The following DNAH8 variants were observed in gnomAD, a reference collection of about 807,000 sequenced individuals.
DNAH8 encodes the protein axonemal beta dynein heavy chain 8.
A neutral mutation model predicts 562.1 loss-of-function variants in DNAH8; 382 were observed. The observed-to-expected ratio is 0.68, with a 90% CI of 0.63 to 0.74. The LOEUF (loss-of-function observed/expected upper bound fraction) is 0.74. Ranked by LOEUF, DNAH8 falls within the 30% of genes least tolerant of loss-of-function variation. The pLI is 0.00. For missense variants in DNAH8, 5,203 were observed against 5,620.4 expected (o/e 0.93, Z 2.37); for synonymous variants, 1,881 against 1,919.4 (o/e 0.98, Z 0.52).
chr6:38,749,141 G>T (rs1765207992), intron 8 of DNAH8, among the ~76,000 whole-genome samples: 1 of 152,086 alleles, frequency 6.6e-6, no homozygotes, highest in Non-Finnish European at 1.5e-5. Flanking sequence ...ATCAATGATA[G>T]ACTGGATAAA....
chr6:38,729,207 C>T (rs1374530047), intron 3 of DNAH8, among the ~76,000 whole-genome samples: 1 of 66,622 alleles, frequency 1.5e-5, no homozygotes, highest in Non-Finnish European at 3.4e-5. Context: ...CGTCTCAAAA[C>T]AAACAAACAA....
At chr6:38,832,513 G>A in intron 31 of DNAH8, 78 bp downstream of exon 31, 1 of 886,032 alleles carries the variant, frequency 1.1e-6, no homozygotes, top group Non-Finnish European at 1.8e-6. Context: ...TGAACCCTGA[G>A]GAATAGGTAC....
chr6:38,778,462 A>G lies in DNAH8; in HGVS notation c.2037A>G (p.Gln679=), dbSNP rs761979645. Reference sequence around the variant, plus strand: ...CTCAGCAGGCTCTTCAGCTACTTCAAAGGTATTCATAACACTTTAAGCAGA... The same window carrying G: ...CTCAGCAGGCTCTTCAGCTACTTCAGAGGTATTCATAACACTTTAAGCAGA... ...LSSQQALQLL[Q]RFQKLNIPCL... Residue 679 remains glutamine, a splice_region_variant and synonymous_variant, in exon 14 of 93, where the codon CAA becomes CAG. Transcript: ENST00000327475. 109 of 1,579,016 alleles carry G rather than the reference A, an allele frequency of 6.9e-5. 1 individual carries two copies. The Admixed American group carries it at 1.8e-3, about 26-fold the overall frequency.
intron 82 of DNAH8, among the ~76,000 whole-genome samples, chr6:38,956,314 G>A (rs368279549): frequency 6.6e-6 from 1 of 152,190 alleles, no homozygotes; most frequent in Non-Finnish European, 1.5e-5. Flanking sequence ...GGGATCTACT[G>A]GGAGATACAT....
intron 91 of DNAH8, among the ~76,000 whole-genome samples, chr6:39,022,048 TA>T (rs1766949693): frequency 6.6e-6 from 1 of 152,254 alleles, no homozygotes; most frequent in Non-Finnish European, 1.5e-5. Context: ...AGTGTTACTT[TA>T]GACCTGAGTT....
Position 38,781,278 on chromosome 6 carries a change from C to G in DNAH8, c.2164C>G (p.Pro722Ala). Residue 722 changes from proline (P) to alanine (A), a missense_variant, in exon 16 of 93, where the codon CCC (proline) becomes GCC (alanine). This residue lies in a region of DNAH8 where 2,176 missense variants were observed against 2,365.1 expected (regional missense o/e 0.92). Transcript: ENST00000327475. ...GCTTTATCATTCTCAGAAAGATGACCCCCCTCTTGCTCGCAACATGCCCCC... is the reference window on the plus strand; with the variant it reads ...GCTTTATCATTCTCAGAAAGATGACGCCCCTCTTGCTCGCAACATGCCCCC... ...KKLYHSQKDDPPLARNMPPIA... is the reference protein window; with the variant it reads ...KKLYHSQKDDAPLARNMPPIA... 1 of 1,612,498 alleles carries G rather than the reference C, an allele frequency of 6.2e-7. No homozygotes were observed. Among genetic ancestry groups the G allele is most frequent in the African/African-American group, 1.3e-5 (1 of 74,840 alleles).
At chr6:38,937,203 G>A (rs979349211) in intron 77 of DNAH8, among the ~76,000 whole-genome samples, 1 of 130,676 alleles carries the variant, frequency 7.7e-6, no homozygotes, top group Non-Finnish European at 1.8e-5. Context: ...GGGGCCTGTC[G>A]GTGGGTAGGG....
At position 38,938,724 on chromosome 6, in the gene DNAH8, G is replaced by T. The variant is rs1431969176; in HGVS notation, c.11817-74G>T. On this transcript the variant is annotated intron_variant, in intron 78 of 92. Coordinates refer to ENST00000327475, the MANE Select transcript of DNAH8 (RefSeq NM_001206927.2). ...TTTACCGACGTACAAACCTTCATGT[G>T]TACCCCTGAACTTGAAAGTTTTTTA... 3 of 1,019,434 alleles carry T rather than the reference G, an allele frequency of 2.9e-6. No homozygotes were observed. The East Asian group carries it at 7.5e-5, about 25-fold the overall frequency. The allele number at this position is 1,019,434 out of a possible 1,614,324, so 63.1% of individuals were successfully genotyped here. A position where few individuals can be genotyped will look rare whatever the true frequency, so the allele number is the denominator to read the frequency against.
chr6:38,809,933 T>C (rs1771646429), intron 24 of DNAH8, among the ~76,000 whole-genome samples: 1 of 152,230 alleles, frequency 6.6e-6, no homozygotes, highest in Non-Finnish European at 1.5e-5. Flanking sequence ...TCCTCACAAT[T>C]TAGTTTGTCA....
chr6:38,723,215 G>C lies in DNAH8; in HGVS notation c.390+16G>C. On this transcript the variant is annotated intron_variant, in intron 2 of 92. Transcript: ENST00000327475. ...AGAGAGACAGGTTTGCTTCTAATAC[G>C]ATTTTTCATGTGTGCCACTTTTCCT... is the stretch of plus-strand genomic sequence containing the variant. The C allele has an allele frequency of 6.3e-7, 1 of 1,592,994 alleles. No homozygotes were observed. The highest frequency in any genetic ancestry group is 8.5e-7 in the Non-Finnish European group (1 of 1,171,006).
At chr6:38,931,460 G>A (rs112021554) in intron 75 of DNAH8, 1,753 of 154,294 alleles carry the variant, frequency 0.011, 25 homozygotes, top group Middle Eastern at 0.037. Context: ...AAAAAATAGC[G>A]GCTCCTGTAC....
intron 3 of DNAH8, among the ~76,000 whole-genome samples, chr6:38,724,391 G>T (rs1219630946): frequency 1.3e-5 from 2 of 152,180 alleles, no homozygotes; most frequent in Admixed American, 1.3e-4. Flanking sequence ...GAAGTTAGAG[G>T]CATAGTTGAG....
intron 49 of DNAH8, among the ~76,000 whole-genome samples, chr6:38,871,364 G>T (rs550619139): frequency 1.3e-5 from 2 of 152,290 alleles, no homozygotes; most frequent in East Asian, 3.9e-4. Flanking sequence ...ACCATTTTAA[G>T]AGTTTAAAAA....
rs574987699 is a variant in DNAH8 at position 38,750,901 on chromosome 6, A to G, written c.1407+312A>G. 3.9e-5 allele frequency among the ~76,000 whole-genome samples: 6 copies of G among 152,356 alleles called. 1 individual carries two copies. The highest frequency in any genetic ancestry group is 1.4e-4 in the African/African-American group (6 of 41,578). On this transcript the variant is annotated intron_variant, in intron 9 of 92. Coordinates refer to ENST00000327475, the MANE Select transcript of DNAH8 (RefSeq NM_001206927.2). ...ATATACATTTTCCTCTTATGTGTTT[A>G]TGAAGAATGATAAACTATATTTAAT... is the stretch of plus-strand genomic sequence containing the variant.
intron 70 of DNAH8, among the ~76,000 whole-genome samples, chr6:38,919,103 AAC>A (rs141307273): frequency 2.2e-4 from 33 of 152,128 alleles, no homozygotes; most frequent in East Asian, 1.7e-3. Flanking sequence ...AAAAAAAGAA[AAC>A]ACACACACAC....
chr6:38,911,589 A>G lies in DNAH8; in HGVS notation c.9859+3A>G. On this transcript the variant is annotated splice_donor_region_variant and intron_variant, in intron 66 of 92. Transcript: ENST00000327475. ...ACAGGCTGAACGTATGAATATTGGT[A>G]AGAGGAATGGAATGGAATGGGATGG... The G allele has an allele frequency of 6.4e-7, 1 of 1,563,818 alleles. No individual in the cohort carries two copies. The highest frequency in any genetic ancestry group is 8.8e-7 in the Non-Finnish European group (1 of 1,134,468).
chr6:38,907,719 G>C (rs968212493), intron 63 of DNAH8, among the ~76,000 whole-genome samples: 13 of 152,332 alleles, frequency 8.5e-5, no homozygotes, highest in African/African-American at 3.1e-4. Flanking sequence ...GGTGGAGATA[G>C]CTTTTTGGTG....
Position 38,929,834 on chromosome 6 carries a change from G to A in DNAH8, c.11274+168G>A, listed in dbSNP as rs6903703. Reference sequence around the variant, plus strand: ...TTTAGGCAGTAGTATTTGGTACGTCGGAAATAAACTATTTCCAGACTGATA... The same window carrying A: ...TTTAGGCAGTAGTATTTGGTACGTCAGAAATAAACTATTTCCAGACTGATA... On this transcript the variant is annotated intron_variant, in intron 75 of 92. Transcript: ENST00000327475. Among the ~76,000 whole-genome samples the A allele has an allele frequency of 0.085, 12,995 of 152,050 alleles. 1,763 individuals carry two copies. The highest frequency in any genetic ancestry group is 0.29 in the African/African-American group (12,009 of 41,454).
At chr6:38,768,639 TG>T (rs1767257810) in intron 11 of DNAH8, among the ~76,000 whole-genome samples, 1 of 152,236 alleles carries the variant, frequency 6.6e-6, no homozygotes, top group Non-Finnish European at 1.5e-5. Context: ...TTGATATTCT[TG>T]GGGAATTTCC....
Sources: allele counts gnomAD v4.1 joint callset (sites outside exome capture counted in the v4.1 genomes callset), GRCh38; gene constraint gnomAD v4.1.1; regional missense constraint gnomAD v4.1.1; transcripts MANE v1.5; gene names NCBI Gene and HGNC (gene_info 2026-07-23, HGNC 2026-07-21).